CNIH3: variants seen among roughly 807,000 people sequenced by gnomAD.
CNIH3 encodes cornichon family AMPA receptor auxiliary protein 3.
Under a neutral mutation model 24.1 loss-of-function variants are expected in CNIH3, and 14 were observed. The ratio of observed to expected loss-of-function variants is 0.58; its 90% CI spans 0.38 to 0.91. The LOEUF is 0.91. Among genes scored for constraint, CNIH3 ranks in the 40% least tolerant of loss-of-function variants. The probability of loss-of-function intolerance (pLI) is 0.00; values close to 1 mark genes in which losing one functional copy is unlikely to be tolerated. For synonymous variants in CNIH3, 68 were observed against 73.8 expected (o/e 0.92, Z 0.40); for missense variants, 178 against 196.8 (o/e 0.90, Z 0.57).
At chr1:224,617,544 C>T (rs538249294) in intron 1 of CNIH3, among the ~76,000 whole-genome samples, 2 of 152,204 alleles carry the variant, frequency 1.3e-5, no homozygotes, top group East Asian at 1.9e-4. Flanking sequence ...CCACAACTAA[C>T]CCCTTCCTCT....
intron 1 of CNIH3, among the ~76,000 whole-genome samples, chr1:224,656,163 G>A (rs1466217551): frequency 2.0e-5 from 3 of 152,182 alleles, no homozygotes; most frequent in Non-Finnish European, 2.9e-5. Flanking sequence ...GCTTCATGCT[G>A]AGGAAGGTCG....
At chr1:224,614,297 C>T (rs1448569448), upstream of CNIH3, among the ~76,000 whole-genome samples, 1 of 152,180 alleles carries the variant, frequency 6.6e-6, no homozygotes, top group Non-Finnish European at 1.5e-5. Flanking sequence ...AAATGTAGAT[C>T]GGTTCATTGC....
chr1:224,445,882 C>T (rs1343267822), intron 1 of CNIH3, among the ~76,000 whole-genome samples: 2 of 152,162 alleles, frequency 1.3e-5, no homozygotes, highest in African/African-American at 4.8e-5. Flanking sequence ...AACGTTTTGC[C>T]TTTCATGTTT....
chr1:224,574,116 C>T (rs4654048), intron 4 of CNIH3, among the ~76,000 whole-genome samples: 20,597 of 151,930 alleles, frequency 0.14, 1,526 homozygotes, highest in East Asian at 0.26. Context: ...TATATTTATA[C>T]ATAAAATGCA....
intron 4 of CNIH3, among the ~76,000 whole-genome samples, chr1:224,568,852 A>C (rs542846229): frequency 4.6e-5 from 7 of 152,110 alleles, no homozygotes; most frequent in Admixed American, 1.3e-4. Context: ...AGATGTAGCT[A>C]TTCTCCTGAA....
intron 1 of CNIH3, among the ~76,000 whole-genome samples, chr1:224,631,876 T>C (rs1238154059): frequency 6.6e-6 from 1 of 152,170 alleles, no homozygotes; most frequent in Non-Finnish European, 1.5e-5. Flanking sequence ...AAAGAGTTGA[T>C]AGCAACATAG....
At chr1:224,452,622 A>AT (rs1675459961) in intron 1 of CNIH3, among the ~76,000 whole-genome samples, 1 of 149,526 alleles carries the variant, frequency 6.7e-6, no homozygotes, top group Non-Finnish European at 1.5e-5. Context: ...TCTACTAAAA[A>AT]TACAAAAACA....
intron 3 of CNIH3, among the ~76,000 whole-genome samples, chr1:224,708,778 A>C (rs1045137102): frequency 6.6e-6 from 1 of 151,584 alleles, no homozygotes; most frequent in Non-Finnish European, 1.5e-5. Flanking sequence ...CCTTTCTCAC[A>C]CCCCAAATAC....
upstream of CNIH3, chr1:224,515,757 C>T (rs189053429): frequency 2.0e-5 from 3 of 152,282 alleles, no homozygotes; most frequent in South Asian, 4.2e-4. Flanking sequence ...TCATGCTGAA[C>T]AAGAGCCGAG....
At position 224,479,223 on chromosome 1, in the gene CNIH3, G is replaced by A. The variant is rs559772862; in HGVS notation, n.204-36518G>A. On this transcript the variant is annotated intron_variant and non_coding_transcript_variant, in intron 1 of 5. Transcript: ENST00000471578. ...AGCTGGAGTGCAATGGCGCAATCTC[G>A]GCTCACTGCAACCTCTGCCTCCCAG... Among the ~76,000 whole-genome samples the A allele has an allele frequency of 1.4e-4, 20 of 140,264 alleles. No homozygotes were observed. In the South Asian group the frequency reaches 2.6e-3, roughly 18 times the overall value. The allele number at this position is 140,264 out of a possible 152,430, so 92.0% of individuals were successfully genotyped here.
At position 224,715,270 on chromosome 1, in the gene CNIH3, G is replaced by A. The variant is rs557601439; in HGVS notation, c.199-15192G>A. Among the ~76,000 whole-genome samples the A allele has an allele frequency of 2.3e-3, 355 of 152,244 alleles. 3 individuals are homozygous for A. Among genetic ancestry groups the A allele is most frequent in the African/African-American group, 8.1e-3 (336 of 41,538 alleles). On this transcript the variant is annotated intron_variant, in intron 3 of 5. Coordinates refer to ENST00000272133, the MANE Select transcript of CNIH3 (RefSeq NM_152495.2). ...TGGCTTTCCTGACTCTGCACCCTCTGGTTTTCCCCTGTCCTGTGTCTTTGC... is the reference window on the plus strand; with the variant it reads ...TGGCTTTCCTGACTCTGCACCCTCTAGTTTTCCCCTGTCCTGTGTCTTTGC...
chr1:224,502,925 A>G (rs1677739476), intron 1 of CNIH3, among the ~76,000 whole-genome samples: 1 of 152,060 alleles, frequency 6.6e-6, no homozygotes, highest in African/African-American at 2.4e-5. Context: ...AGGGGGTAGA[A>G]CACAGGCTAA....
chr1:224,695,393 CA>C (rs1240462881), intron 3 of CNIH3, among the ~76,000 whole-genome samples: 3 of 123,394 alleles, frequency 2.4e-5, no homozygotes, highest in Non-Finnish European at 5.3e-5. Context: ...CACACACACA[CA>C]CCCCTGTTGG....
intron 1 of CNIH3, among the ~76,000 whole-genome samples, chr1:224,462,586 G>C (rs1274774976): frequency 1.3e-5 from 2 of 151,358 alleles, no homozygotes; most frequent in African/African-American, 4.9e-5. Context: ...CGCCCGCCTT[G>C]GCCTCCCAAA....
At chr1:224,691,282 C>T (rs1326583884) in intron 3 of CNIH3, among the ~76,000 whole-genome samples, 2 of 151,362 alleles carry the variant, frequency 1.3e-5, no homozygotes, top group Non-Finnish European at 2.9e-5. Flanking sequence ...TCACAGGCCC[C>T]TGAAGCAACT....
chr1:224,475,548 A>T (rs1436160493), intron 1 of CNIH3, among the ~76,000 whole-genome samples: 1 of 152,140 alleles, frequency 6.6e-6, no homozygotes, highest in Non-Finnish European at 1.5e-5. Context: ...GAAATCCAAA[A>T]CCTGAACAGG....
At chr1:224,687,296 A>G (rs1245802206) in intron 3 of CNIH3, among the ~76,000 whole-genome samples, 1 of 152,198 alleles carries the variant, frequency 6.6e-6, no homozygotes, top group Non-Finnish European at 1.5e-5. Context: ...CAGGGGTGCA[A>G]TCATAACTCA....
chr1:224,518,500 C>G (rs1024998601), intron 1 of CNIH3, among the ~76,000 whole-genome samples: 36 of 141,748 alleles, frequency 2.5e-4, no homozygotes, highest in African/African-American at 8.8e-4. Flanking sequence ...ATTTTTGAAG[C>G]CTTTTTTTTT....
intron 1 of CNIH3, among the ~76,000 whole-genome samples, chr1:224,440,175 C>T (rs563070476): frequency 2.6e-5 from 4 of 152,334 alleles, no homozygotes; most frequent in East Asian, 1.9e-4. Context: ...CCTGCCTCGG[C>T]GTCCCAAAGT....
Sources: gnomAD v4.1 joint callset for allele counts (sites outside exome capture counted in the v4.1 genomes callset) on GRCh38, gnomAD v4.1.1 for gene constraint, MANE v1.5 for transcripts, NCBI Gene and HGNC (gene_info 2026-07-23, HGNC 2026-07-21) for gene names.